The following TAF4B variants were observed in gnomAD, a reference collection of about 807,000 sequenced individuals.
The protein encoded by TAF4B is transcription initiation factor TFIID subunit 4B.
In TAF4B, 38 loss-of-function variants were observed where a neutral mutation model predicts 86.4. The observed-to-expected ratio is 0.44, with a 90% CI of 0.34 to 0.58. TAF4B has a LOEUF of 0.58. Among genes scored for constraint, TAF4B ranks in the 20% least tolerant of loss-of-function variants. TAF4B has a pLI of 0.02. For synonymous variants in TAF4B, 388 were observed against 391.2 expected (o/e 0.99, Z 0.10); for missense variants, 988 against 1,027.6 (o/e 0.96, Z 0.53).
intron 14 of TAF4B, among the ~76,000 whole-genome samples, chr18:26,373,808 C>T (rs2057422942): frequency 6.6e-6 from 1 of 152,120 alleles, no homozygotes; most frequent in South Asian, 2.1e-4. Context: ...TCTGTTCACC[C>T]AGTGTTACTG....
At chr18:26,366,136 A>G (rs971971883) in intron 14 of TAF4B, among the ~76,000 whole-genome samples, 1 of 152,032 alleles carries the variant, frequency 6.6e-6, no homozygotes, top group Non-Finnish European at 1.5e-5. Context: ...TGCTCATTTT[A>G]TAAAGGAAGA....
chr18:26,281,885 CTA>C (rs1401399839), intron 5 of TAF4B, 84 bp from the exon 6 acceptor site: 1 of 947,884 alleles, frequency 1.1e-6, no homozygotes, highest in Non-Finnish European at 1.6e-6. Context: ...GAAAAGTTTG[CTA>C]TGTCTACAAT....
chr18:26,335,325 C>T, intron 13 of TAF4B, 94 bp downstream of exon 13: 1 of 1,109,462 alleles, frequency 9.0e-7, no homozygotes, highest in Non-Finnish European at 1.4e-6. Flanking sequence ...TTTGCTGTTG[C>T]ATACCATTTG....
chr18:26,316,349 C>A (rs573089245), intron 10 of TAF4B, among the ~76,000 whole-genome samples: 1 of 151,988 alleles, frequency 6.6e-6, no homozygotes, highest in Admixed American at 6.6e-5. Context: ...GTTTTAGCTG[C>A]TGTATGCTAT....
chr18:26,282,292 T>A (rs1478821577), intron 6 of TAF4B, among the ~76,000 whole-genome samples: 1 of 152,208 alleles, frequency 6.6e-6, no homozygotes, highest in East Asian at 1.9e-4. Context: ...CATTATTATA[T>A]TGTTTAATAC....
chr18:26,346,761 ATATATATATATATG>A (rs1567913525), intron 13 of TAF4B, among the ~76,000 whole-genome samples: 5 of 22,598 alleles, frequency 2.2e-4, no homozygotes, highest in Non-Finnish European at 4.8e-4. Context: ...ATATGTGTGT[ATATATATATATATG>A]TGTGTGTATA....
intron 13 of TAF4B, among the ~76,000 whole-genome samples, chr18:26,351,036 T>A (rs1287025697): frequency 6.6e-6 from 1 of 152,116 alleles, no homozygotes; most frequent in Non-Finnish European, 1.5e-5. Flanking sequence ...AAGAAATCAG[T>A]ATATCACAGA....
At chr18:26,387,837 C>T (rs1978467062) in intron 14 of TAF4B, among the ~76,000 whole-genome samples, 1 of 152,140 alleles carries the variant, frequency 6.6e-6, no homozygotes, top group Non-Finnish European at 1.5e-5. Context: ...TCATGTCCCT[C>T]AAAAACTGGG....
chr18:26,267,644 G>T (rs745396885), intron 3 of TAF4B, 21 bp downstream of exon 3: 8 of 1,525,412 alleles, frequency 5.2e-6, no homozygotes, highest in African/African-American at 1.4e-5. Context: ...CTGGCCATTC[G>T]TGCACTTGTT....
chr18:26,370,671 T>A (rs1373659017), intron 14 of TAF4B, among the ~76,000 whole-genome samples: 1 of 152,106 alleles, frequency 6.6e-6, no homozygotes, highest in Non-Finnish European at 1.5e-5. Flanking sequence ...TGCAGTTACC[T>A]GAGGGGATGG....
chr18:26,273,841 T>C (rs938711588), intron 3 of TAF4B, among the ~76,000 whole-genome samples: 1 of 152,212 alleles, frequency 6.6e-6, no homozygotes, highest in African/African-American at 2.4e-5. Flanking sequence ...ACTTGACCTT[T>C]TTGTGTTGCA....
chr18:26,377,549 C>T (rs757532672), intron 14 of TAF4B, among the ~76,000 whole-genome samples: 1 of 152,000 alleles, frequency 6.6e-6, no homozygotes, highest in South Asian at 2.1e-4. Context: ...ATATTAAAAC[C>T]GTAAAGTAGA....
At chr18:26,241,580 T>C (rs1036455414) in intron 1 of TAF4B, among the ~76,000 whole-genome samples, 5 of 152,198 alleles carry the variant, frequency 3.3e-5, no homozygotes, top group Admixed American at 2.6e-4. Context: ...TGTGTCTCTA[T>C]CTCCTTCAGT....
chr18:26,229,000 T>A (rs1368612391), intron 1 of TAF4B, among the ~76,000 whole-genome samples: 1 of 152,208 alleles, frequency 6.6e-6, no homozygotes, highest in Admixed American at 6.5e-5. Context: ...CGGGGGAGTT[T>A]TAGCTCAGGT....
chr18:26,227,148 A>G lies in TAF4B; in HGVS notation c.215A>G (p.Lys72Arg). 2.5e-6 allele frequency: 4 copies of G among 1,613,958 alleles called. No individual in the cohort carries two copies. The highest frequency in any genetic ancestry group is 3.4e-6 in the Non-Finnish European group (4 of 1,179,952). The change falls in exon 1 of 15, where the codon AAA becomes AGA. Residue 72 changes from lysine to arginine, a missense_variant. This residue lies in a region of TAF4B where 747 missense variants were observed against 737.9 expected (regional missense o/e 1.01). Transcript: ENST00000269142. ...LRSPVGTLVT[K>R]VAPVSAPPKV... is the part of the protein sequence containing the mutation. ...TCCCCCGTGGGGACCCTGGTGACCA[A>G]AGTGGCTCCGGTCAGCGCCCCTCCT...
intron 1 of TAF4B, among the ~76,000 whole-genome samples, chr18:26,229,546 A>G (rs2055631946): frequency 7.4e-6 from 1 of 135,420 alleles, no homozygotes; most frequent in African/African-American, 2.8e-5. Context: ...TCTGTTGCCC[A>G]GGCTGGGGTG....
chr18:26,380,409 C>A (rs1010908404), intron 14 of TAF4B, among the ~76,000 whole-genome samples: 1 of 152,132 alleles, frequency 6.6e-6, no homozygotes, highest in South Asian at 2.1e-4. Context: ...TTTTGACCTA[C>A]AGATTATTTA....
chr18:26,329,135 G>A (rs2057031538), intron 12 of TAF4B, among the ~76,000 whole-genome samples: 1 of 151,772 alleles, frequency 6.6e-6, no homozygotes, highest in Non-Finnish European at 1.5e-5. Flanking sequence ...GTGGCTCACT[G>A]CAGCCTTCAC....
intron 14 of TAF4B, among the ~76,000 whole-genome samples, chr18:26,375,754 T>TAGTTGG (rs2057438481): frequency 6.6e-6 from 1 of 152,176 alleles, no homozygotes; most frequent in Non-Finnish European, 1.5e-5. Context: ...GTTACTTGTA[T>TAGTTGG]TTAGTTGTCA....
Sources: gnomAD v4.1 joint callset for allele counts (sites outside exome capture counted in the v4.1 genomes callset) on GRCh38, gnomAD v4.1.1 for gene constraint, gnomAD v4.1.1 regional missense constraint, MANE v1.5 for transcripts, NCBI Gene and HGNC (gene_info 2026-07-23, HGNC 2026-07-21) for gene names.